IKZF1: variants seen among roughly 807,000 people sequenced by gnomAD.
IKZF1 encodes IKAROS family zinc finger 1.
IKZF1 carries 10 observed loss-of-function variants against 51.7 expected under a neutral mutation model. The ratio of observed to expected loss-of-function variants is 0.19; its 90% CI spans 0.12 to 0.33. The LOEUF is 0.33. Ranked by LOEUF, IKZF1 falls within the 10% of genes least tolerant of loss-of-function variation. The pLI, the probability that IKZF1 is intolerant of heterozygous loss-of-function variation, is 1.00. For synonymous variants in IKZF1, 280 were observed against 282.3 expected (o/e 0.99, Z 0.08); for missense variants, 484 against 707.5 (o/e 0.68, Z 3.58).
At chr7:50,306,666 T>G (rs1490084176) in intron 1 of IKZF1, among the ~76,000 whole-genome samples, 1 of 152,240 alleles carries the variant, frequency 6.6e-6, no homozygotes, top group Non-Finnish European at 1.5e-5. Context: ...AGCCATTTCC[T>G]TTGTCGAAAA....
At position 50,376,715 on chromosome 7, in the gene IKZF1, G is replaced by A. The variant is rs2153469914; in HGVS notation, c.343G>A (p.Gly115Arg). The A allele has an allele frequency of 3.1e-6, 5 of 1,613,954 alleles. No individual in the cohort carries two copies. The highest frequency in any genetic ancestry group is 4.2e-6 in the Non-Finnish European group (5 of 1,179,888). ...SGVGGIRLPN[G>R]KLKCDICGII... is the part of the protein sequence containing the mutation. ...AGTTGGAGGCATTCGACTTCCTAAC[G>A]GAAAACTAAAGTGTGATATCTGTGG... Residue 115 changes from glycine to arginine, a missense_variant, in exon 4 of 8, where the codon GGA becomes AGA. Gly to Arg is a moderately radical substitution (Grantham distance 125). Transcript: ENST00000331340. This position sits in a 1 kb window ranked among gnomAD's most constrained non-coding sequence, Gnocchi z 4.5.
chr7:50,320,508 T>G (rs1792913074), intron 2 of IKZF1, among the ~76,000 whole-genome samples: 1 of 152,228 alleles, frequency 6.6e-6, no homozygotes, highest in African/African-American at 2.4e-5. Context: ...CCTGCAATGG[T>G]GTAGAACACT....
At chr7:50,312,469 A>G (rs889430098) in intron 1 of IKZF1, among the ~76,000 whole-genome samples, 6 of 152,202 alleles carry the variant, frequency 3.9e-5, no homozygotes, top group Middle Eastern at 3.2e-3. Flanking sequence ...TTGCAGCAAC[A>G]AACGTGAACA....
chr7:50,392,096 G>T (rs1209154312), intron 7 of IKZF1, among the ~76,000 whole-genome samples: 2 of 152,218 alleles, frequency 1.3e-5, no homozygotes, highest in African/African-American at 4.8e-5. Context: ...TCTGGGGCCT[G>T]CCCTGTGATC....
At chr7:50,314,507 C>T (rs1044059528) in intron 1 of IKZF1, among the ~76,000 whole-genome samples, 3 of 152,196 alleles carry the variant, frequency 2.0e-5, no homozygotes, top group Non-Finnish European at 2.9e-5. Context: ...TAATTTGGCA[C>T]GCTGTGTACT....
intron 3 of IKZF1, among the ~76,000 whole-genome samples, chr7:50,340,489 A>T (rs1798835065): frequency 6.6e-6 from 1 of 152,248 alleles, no homozygotes; most frequent in South Asian, 2.1e-4. Flanking sequence ...GGCAGAGCCC[A>T]GTGGCAGATG....
chr7:50,399,332 T>C (rs1167257286), intron 7 of IKZF1, among the ~76,000 whole-genome samples: 1 of 152,076 alleles, frequency 6.6e-6, no homozygotes, highest in Non-Finnish European at 1.5e-5. Flanking sequence ...TGTGTCATTT[T>C]ATTACAAAAA....
Position 50,400,527 on chromosome 7 carries a change from G to A in IKZF1, c.1460G>A (p.Arg487His), listed in dbSNP as rs1817902026. The change falls in exon 8 of 8, where the codon CGT becomes CAT. Residue 487 changes from arginine to histidine, a missense_variant. Arg to His is a conservative substitution (Grantham distance 29). This residue lies in a region of IKZF1 where 42 missense variants were observed against 84.4 expected (regional missense o/e 0.50). Coordinates refer to ENST00000331340, the MANE Select transcript of IKZF1 (RefSeq NM_006060.6). The surrounding 1 kb of genome is among the most constrained non-coding windows in gnomAD (Gnocchi z 5.4). Reference protein sequence around the residue: ...YTIHMGCHGFRDPFECNMCGY... With the variant: ...YTIHMGCHGFHDPFECNMCGY... ...ATCCACATGGGCTGCCACGGCTTCC[G>A]TGATCCTTTTGAGTGCAACATGTGC... 6.2e-7 allele frequency: 1 copy of A among 1,614,068 alleles called. No individual in the cohort carries two copies. Among genetic ancestry groups the A allele is most frequent in the Non-Finnish European group, 8.5e-7 (1 of 1,179,962 alleles).
chr7:50,392,216 C>T (rs1314328975), intron 7 of IKZF1, among the ~76,000 whole-genome samples: 3 of 152,116 alleles, frequency 2.0e-5, no homozygotes, highest in East Asian at 1.9e-4. Context: ...CAGGCCTGGC[C>T]GGCTTCTCAG....
chr7:50,303,862 A>G (rs1161597046), upstream of IKZF1, among the ~76,000 whole-genome samples: 1 of 146,572 alleles, frequency 6.8e-6, no homozygotes, highest in Non-Finnish European at 1.5e-5. This position sits in a 1 kb window ranked among gnomAD's most constrained non-coding sequence, Gnocchi z 4.7. Flanking sequence ...GGCGGCCCGC[A>G]CGTGTCGCCC....
intron 3 of IKZF1, chr7:50,369,431 A>T (rs1030977755): frequency 2.5e-6 from 1 of 398,308 alleles, no homozygotes; most frequent in East Asian, 3.6e-5. Flanking sequence ...TATAAAAGAG[A>T]TGATATACAC....
chr7:50,338,949 A>G (rs1318220916), intron 3 of IKZF1, among the ~76,000 whole-genome samples: 1 of 152,254 alleles, frequency 6.6e-6, no homozygotes, highest in African/African-American at 2.4e-5. Flanking sequence ...CTCAGAAAGC[A>G]TGCTCCGGTG....
At chr7:50,380,493 A>G (rs879635248) in intron 4 of IKZF1, among the ~76,000 whole-genome samples, 3 of 152,242 alleles carry the variant, frequency 2.0e-5, no homozygotes, top group Non-Finnish European at 4.4e-5. Context: ...GCACCTGCCC[A>G]GCACGGAAGG....
At chr7:50,365,167 A>G (rs1562835794) in intron 3 of IKZF1, among the ~76,000 whole-genome samples, 3 of 152,188 alleles carry the variant, frequency 2.0e-5, no homozygotes, top group East Asian at 3.9e-4. Flanking sequence ...CCCAAAAGAT[A>G]CTGAACTTTG....
At position 50,335,351 on chromosome 7, in the gene IKZF1, A is replaced by ATG. The variant is rs1473009404; in HGVS notation, c.160+7603_160+7604dup. Among the ~76,000 whole-genome samples, 63 of 101,310 alleles carry ATG rather than the reference A, an allele frequency of 6.2e-4. 1 individual carries two copies. The highest frequency in any genetic ancestry group is 1.1e-3 in the Non-Finnish European group (58 of 51,154). The allele number at this position is 101,310 out of a possible 152,430, so 66.5% of individuals were successfully genotyped here. On this transcript the variant is annotated intron_variant, in intron 3 of 7. Transcript: ENST00000331340. ...TGTGTGTATGGGAGGTGTGTTGTGT[A>ATG]TGTGTGTGTGGGATGTGTGGTGTGT...
At chr7:50,399,543 T>A (rs1190482478) in intron 7 of IKZF1, among the ~76,000 whole-genome samples, 4 of 152,164 alleles carry the variant, frequency 2.6e-5, no homozygotes, top group African/African-American at 9.6e-5. Flanking sequence ...AACACTCTAC[T>A]GAAAAAGCAT....
intron 1 of IKZF1, among the ~76,000 whole-genome samples, chr7:50,306,212 G>C (rs1231650318): frequency 6.6e-6 from 1 of 152,126 alleles, no homozygotes; most frequent in Admixed American, 6.5e-5. Flanking sequence ...TACAAATAAT[G>C]ATGTCACATT....
chr7:50,382,139 T>G (rs986059860), intron 4 of IKZF1, among the ~76,000 whole-genome samples: 15 of 152,368 alleles, frequency 9.8e-5, no homozygotes, highest in Admixed American at 9.2e-4. Flanking sequence ...TTTTGCTGCT[T>G]CAGTGGCATA....
intron 3 of IKZF1, among the ~76,000 whole-genome samples, chr7:50,358,324 GT>G (rs1804127812): frequency 6.6e-6 from 1 of 152,222 alleles, no homozygotes; most frequent in Non-Finnish European, 1.5e-5. Context: ...GACATTTGAA[GT>G]TTCTTCCTAA....
Sources: gnomAD v4.1 joint callset for allele counts (sites outside exome capture counted in the v4.1 genomes callset) on GRCh38, gnomAD v4.1.1 for gene constraint, gnomAD v4.1.1 regional missense constraint, Gnocchi (gnomAD v3.1) non-coding constraint, MANE v1.5 for transcripts, NCBI Gene and HGNC (gene_info 2026-07-23, HGNC 2026-07-21) for gene names.